KCNIP4: variants seen among roughly 807,000 people sequenced by gnomAD.
The protein encoded by KCNIP4 is Kv channel-interacting protein 4.
KCNIP4 carries 12 observed loss-of-function variants against 34.0 expected under a neutral mutation model. The ratio of observed to expected loss-of-function variants is 0.35; its 90% CI spans 0.23 to 0.57. The LOEUF (loss-of-function observed/expected upper bound fraction) is 0.57. Ranked by LOEUF, KCNIP4 falls within the 20% of genes least tolerant of loss-of-function variation. The pLI, the probability that KCNIP4 is intolerant of heterozygous loss-of-function variation, is 0.83. For synonymous variants in KCNIP4, 124 were observed against 102.2 expected, an observed-to-expected ratio of 1.21 and a Z score of -1.29; for missense variants, 238 against 311.7, an observed-to-expected ratio of 0.76 and a Z score of 1.78.
chr4:21,590,788 G>T (rs956597564), intron 1 of KCNIP4, among the ~76,000 whole-genome samples: 2 of 151,884 alleles, frequency 1.3e-5, no homozygotes, highest in African/African-American at 2.4e-5. Flanking sequence ...CAACATGTTT[G>T]GACCAGTGTA....
chr4:20,741,884 G>A (rs372962586), intron 5 of KCNIP4, among the ~76,000 whole-genome samples: 1 of 152,018 alleles, frequency 6.6e-6, no homozygotes. Context: ...ATGATAAAGG[G>A]GATATCACCA....
intron 1 of KCNIP4, among the ~76,000 whole-genome samples, chr4:21,786,834 G>C (rs561668459): frequency 6.6e-6 from 1 of 152,054 alleles, no homozygotes; most frequent in East Asian, 1.9e-4. Context: ...CCAAAGTGTG[G>C]GATTACATGC....
intron 1 of KCNIP4, among the ~76,000 whole-genome samples, chr4:21,354,113 C>T (rs150142994): frequency 0.012 from 1,793 of 152,260 alleles, 30 homozygotes; most frequent in African/African-American, 0.041. Flanking sequence ...GATTTTGTCA[C>T]CACCAGGCCT....
chr4:21,131,999 G>C (rs1303082132), intron 1 of KCNIP4, among the ~76,000 whole-genome samples: 1 of 152,200 alleles, frequency 6.6e-6, no homozygotes, highest in Non-Finnish European at 1.5e-5. Flanking sequence ...GAGAGGTACC[G>C]TGGTAATGAG....
At chr4:21,889,601 T>C (rs757332235) in intron 1 of KCNIP4, among the ~76,000 whole-genome samples, 1 of 152,106 alleles carries the variant, frequency 6.6e-6, no homozygotes, top group African/African-American at 2.4e-5. Flanking sequence ...TTTGAGCTGA[T>C]AGCTTAAGTA....
chr4:20,945,994 G>C (rs569829988), intron 1 of KCNIP4, among the ~76,000 whole-genome samples: 2 of 152,122 alleles, frequency 1.3e-5, no homozygotes, highest in African/African-American at 4.8e-5. Flanking sequence ...GAGGATAAAC[G>C]TAAGGAGAAG....
intron 1 of KCNIP4, among the ~76,000 whole-genome samples, chr4:21,857,828 C>T (rs187295247): frequency 6.6e-5 from 10 of 152,316 alleles, no homozygotes; most frequent in African/African-American, 2.4e-4. Flanking sequence ...TTGCAGGCAA[C>T]AGGGAGAGAA....
At chr4:20,958,152 T>A (rs1733498353) in intron 1 of KCNIP4, among the ~76,000 whole-genome samples, 1 of 152,216 alleles carries the variant, frequency 6.6e-6, no homozygotes, top group South Asian at 2.1e-4. Flanking sequence ...AAGTTTCTTA[T>A]AGGAAGTGTT....
At chr4:21,489,204 C>T (rs1399401771) in intron 1 of KCNIP4, among the ~76,000 whole-genome samples, 1 of 151,552 alleles carries the variant, frequency 6.6e-6, no homozygotes, top group Non-Finnish European at 1.5e-5. Flanking sequence ...TGATCATCAG[C>T]ACCTAGCACT....
At chr4:20,948,035 C>T (rs925605560) in intron 1 of KCNIP4, among the ~76,000 whole-genome samples, 5 of 152,090 alleles carry the variant, frequency 3.3e-5, no homozygotes, top group Admixed American at 3.3e-4. Flanking sequence ...CATGGAAAGC[C>T]AACGAGGGGA....
At chr4:20,816,780 C>T (rs139435708) in intron 3 of KCNIP4, among the ~76,000 whole-genome samples, 328 of 152,250 alleles carry the variant, frequency 2.2e-3, no homozygotes, top group African/African-American at 7.3e-3. Context: ...TGAATTTTTC[C>T]GTCATAGACC....
chr4:21,043,380 A>T (rs1348945558), intron 1 of KCNIP4, among the ~76,000 whole-genome samples: 3 of 152,206 alleles, frequency 2.0e-5, no homozygotes, highest in South Asian at 2.1e-4. Flanking sequence ...TCCAGGCTGG[A>T]GTGCATTGGT....
At chr4:21,808,025 G>A (rs923242152) in intron 1 of KCNIP4, among the ~76,000 whole-genome samples, 9 of 152,100 alleles carry the variant, frequency 5.9e-5, no homozygotes, top group Non-Finnish European at 8.8e-5. Context: ...TTGTATTAAC[G>A]TTAACATATA....
intron 1 of KCNIP4, among the ~76,000 whole-genome samples, chr4:21,576,957 T>C (rs1242586501): frequency 1.3e-5 from 2 of 152,204 alleles, no homozygotes; most frequent in Non-Finnish European, 2.9e-5. Context: ...TTATTGAGCA[T>C]ATCTTTTCTT....
intron 1 of KCNIP4, among the ~76,000 whole-genome samples, chr4:21,311,991 T>G (rs763220645): frequency 5.9e-5 from 9 of 152,132 alleles, no homozygotes; most frequent in Non-Finnish European, 1.2e-4. Flanking sequence ...TTTGGTCTAG[T>G]TCCATGACTA....
At chr4:21,448,768 C>G (rs778491983) in intron 1 of KCNIP4, among the ~76,000 whole-genome samples, 5 of 152,112 alleles carry the variant, frequency 3.3e-5, no homozygotes, top group Non-Finnish European at 5.9e-5. Context: ...ATCCACTCAA[C>G]TGTCTCAGCA....
At chr4:21,579,131 G>A (rs1289555170) in intron 1 of KCNIP4, among the ~76,000 whole-genome samples, 1 of 152,126 alleles carries the variant, frequency 6.6e-6, no homozygotes, top group Non-Finnish European at 1.5e-5. Context: ...AAACCAAGAA[G>A]CATAAAAACC....
intron 1 of KCNIP4, among the ~76,000 whole-genome samples, chr4:21,460,259 A>G (rs1388597522): frequency 6.6e-6 from 1 of 151,666 alleles, no homozygotes; most frequent in Non-Finnish European, 1.5e-5. Context: ...TACCCATCCC[A>G]TATATTCATG....
intron 1 of KCNIP4, among the ~76,000 whole-genome samples, chr4:21,417,495 T>C (rs1373115819): frequency 6.6e-6 from 1 of 152,150 alleles, no homozygotes; most frequent in Non-Finnish European, 1.5e-5. Flanking sequence ...GCATTAAAAA[T>C]GAGTTAGTTA....
Sources: gnomAD v4.1 joint callset for allele counts (sites outside exome capture counted in the v4.1 genomes callset) on GRCh38, gnomAD v4.1.1 for gene constraint, MANE v1.5 for transcripts, NCBI Gene and HGNC (gene_info 2026-07-23, HGNC 2026-07-21) for gene names.